Variants in SV2B observed in about 807,000 individuals in gnomAD.
The protein encoded by SV2B is solute carrier family 22 member B2.
A neutral mutation model predicts 73.9 loss-of-function variants in SV2B; 41 were observed. That is an observed-to-expected ratio of 0.56 (90% confidence interval 0.43 to 0.72). The LOEUF is 0.72. Ranked by LOEUF, SV2B falls within the 30% of genes least tolerant of loss-of-function variation. The probability of loss-of-function intolerance (pLI) is 0.00; values close to 1 mark genes in which losing one functional copy is unlikely to be tolerated. For missense variants in SV2B, 764 were observed against 857.8 expected (o/e 0.89, Z 1.37); for synonymous variants, 314 against 314.2 (o/e 1.00, Z 0.01).
chr15:91,213,811 A>G (rs2045940891), intron 1 of SV2B, among the ~76,000 whole-genome samples: 1 of 152,228 alleles, frequency 6.6e-6, no homozygotes, highest in Non-Finnish European at 1.5e-5. Flanking sequence ...GCCAGATACT[A>G]TTCCCTTTAA....
intron 1 of SV2B, among the ~76,000 whole-genome samples, chr15:91,218,385 A>C (rs150995084): frequency 1.1e-3 from 171 of 152,222 alleles, no homozygotes; most frequent in African/African-American, 3.9e-3. Context: ...GTCAGAACAC[A>C]TTTTTACAAT....
Position 91,281,994 on chromosome 15 carries a change from G to A in SV2B, c.1507+133G>A. On this transcript the variant is annotated intron_variant, in intron 10 of 12. Transcript: ENST00000394232. The surrounding 1 kb of genome is among the most constrained non-coding windows in gnomAD (Gnocchi z 4.7). ...AGATACAAATGCCAAGCCTTGGTGG[G>A]GAAATGGATTTTAGCCCCAGGCATG... is the stretch of plus-strand genomic sequence containing the variant. 1 of 1,133,802 alleles carries A rather than the reference G, an allele frequency of 8.8e-7. No individual in the cohort carries two copies. Among genetic ancestry groups the A allele is most frequent in the Non-Finnish European group, 1.2e-6 (1 of 840,714 alleles). 70.2% of individuals were successfully genotyped at this position (1,133,802 alleles called of 1,614,324 possible).
intron 1 of SV2B, among the ~76,000 whole-genome samples, chr15:91,161,216 T>G (rs2043704460): frequency 6.6e-6 from 1 of 152,128 alleles, no homozygotes; most frequent in Admixed American, 6.6e-5. Flanking sequence ...CTAAAACTGG[T>G]TTATAGTGAT....
intron 1 of SV2B, among the ~76,000 whole-genome samples, chr15:91,154,782 G>T (rs2043432246): frequency 6.6e-6 from 1 of 152,166 alleles, no homozygotes. Context: ...AGGCAAGATT[G>T]TTCCTTTGGA....
intron 1 of SV2B, among the ~76,000 whole-genome samples, chr15:91,167,060 G>A (rs2043942153): frequency 6.6e-6 from 1 of 152,124 alleles, no homozygotes; most frequent in South Asian, 2.1e-4. Flanking sequence ...TGATCCGCCT[G>A]CCTTGGCCTC....
chr15:91,162,459 A>T (rs1380596940), intron 1 of SV2B, among the ~76,000 whole-genome samples: 1 of 152,242 alleles, frequency 6.6e-6, no homozygotes, highest in African/African-American at 2.4e-5. Flanking sequence ...GGAAAGCTGT[A>T]TATTATTGTA....
chr15:91,170,647 T>A (rs1179731009), intron 1 of SV2B, among the ~76,000 whole-genome samples: 1 of 152,216 alleles, frequency 6.6e-6, no homozygotes, highest in African/African-American at 2.4e-5. Flanking sequence ...AAAAATACAT[T>A]AAAAATATCT....
chr15:91,112,931 C>G (rs1221068239), intron 1 of SV2B, among the ~76,000 whole-genome samples: 10 of 152,174 alleles, frequency 6.6e-5, no homozygotes, highest in Admixed American at 2.0e-4. Flanking sequence ...ACCCTCCCAC[C>G]CCAGCCTCCT....
chr15:91,177,745 A>G (rs2141301057), intron 1 of SV2B, among the ~76,000 whole-genome samples: 1 of 123,370 alleles, frequency 8.1e-6, no homozygotes, highest in Admixed American at 7.4e-5. Flanking sequence ...TTGATTTTGT[A>G]TCCTGAGACT....
At chr15:91,218,825 A>G (rs1177215325) in intron 1 of SV2B, among the ~76,000 whole-genome samples, 1 of 152,152 alleles carries the variant, frequency 6.6e-6, no homozygotes, top group East Asian at 1.9e-4. Context: ...GGACCACCAG[A>G]TGTGCTCAGC....
chr15:91,128,524 C>T lies in SV2B; in HGVS notation c.-392+28161C>T, dbSNP rs76414839. Among the ~76,000 whole-genome samples the T allele has an allele frequency of 5.0e-3, 757 of 152,312 alleles. 12 individuals are homozygous for T. The highest frequency in any genetic ancestry group is 0.017 in the African/African-American group (725 of 41,568). On this transcript the variant is annotated intron_variant, in intron 1 of 12. Coordinates refer to ENST00000394232, the MANE Select transcript of SV2B (RefSeq NM_001323032.3). The surrounding 1 kb of genome is among the most constrained non-coding windows in gnomAD (Gnocchi z 4.2). ...GCGAAAGTGTTTTTCTCCTCCCCGT[C>T]TGTCTCTCAGTCCCAGTCTCTCTCA...
Position 91,284,879 on chromosome 15 carries a change from A to G in SV2B, c.1708+658A>G, listed in dbSNP as rs1191523890. ...CTTGCCTCATTCCATCGGGACTTGC[A>G]GCAATTTATTACAGAAACACATGCC... is the stretch of plus-strand genomic sequence containing the variant. On this transcript the variant is annotated intron_variant, in intron 11 of 12. Transcript: ENST00000394232. This position sits in a 1 kb window ranked among gnomAD's most constrained non-coding sequence, Gnocchi z 4.5. Among the ~76,000 whole-genome samples the G allele has an allele frequency of 2.6e-5, 4 of 152,224 alleles. No individual in the cohort carries two copies. In the East Asian group the frequency reaches 7.7e-4, roughly 29 times the overall value.
intron 1 of SV2B, among the ~76,000 whole-genome samples, chr15:91,179,754 C>T (rs533490519): frequency 5.3e-5 from 8 of 152,278 alleles, no homozygotes; most frequent in Admixed American, 4.6e-4. Flanking sequence ...GGTAGATCTT[C>T]CTCCATCCTT....
intron 1 of SV2B, among the ~76,000 whole-genome samples, chr15:91,225,483 C>T (rs1343462084): frequency 6.6e-6 from 1 of 152,124 alleles, no homozygotes; most frequent in Non-Finnish European, 1.5e-5. Context: ...GTATAAATCC[C>T]TTGACCACTT....
rs897893515 is a variant in SV2B, at chr15:91,130,699, GAGA to G, written c.-392+30343_-392+30345del. On this transcript the variant is annotated intron_variant, in intron 1 of 12. Transcript: ENST00000394232. This position sits in a 1 kb window ranked among gnomAD's most constrained non-coding sequence, Gnocchi z 5.6. ...GCAGACATACTGCCTGCATGGAGGT[GAGA>G]AGAAGAGCTGCAGTCCTGGGGGCAA... 6.6e-6 allele frequency among the ~76,000 whole-genome samples: 1 copy of G among 152,180 alleles called. No homozygotes were observed. The highest frequency in any genetic ancestry group is 2.4e-5 in the African/African-American group (1 of 41,432).
chr15:91,154,131 A>C (rs1418414675), intron 1 of SV2B, among the ~76,000 whole-genome samples: 1 of 147,902 alleles, frequency 6.8e-6, no homozygotes, highest in African/African-American at 2.4e-5. Flanking sequence ...CAATATATTA[A>C]TATTTGATAT....
rs1001199380 is a variant in SV2B at position 91,141,353 on chromosome 15, T to C, written c.-392+40990T>C. Among the ~76,000 whole-genome samples, 15 of 152,204 alleles carry C rather than the reference T, an allele frequency of 9.9e-5. 1 individual carries two copies. The highest frequency in any genetic ancestry group is 3.6e-4 in the African/African-American group (15 of 41,456). On this transcript the variant is annotated intron_variant, in intron 1 of 12. Coordinates refer to ENST00000394232, the MANE Select transcript of SV2B (RefSeq NM_001323032.3). This position sits in a 1 kb window ranked among gnomAD's most constrained non-coding sequence, Gnocchi z 4.6. ...TAGGGTGTCTTGCAGAACAGGGCCT[T>C]GCTCTTCTTCAGGAAGACTTGGAGT... is the stretch of plus-strand genomic sequence containing the variant.
In SV2B at chr15:91,261,262, G is replaced by GAA. The variant is rs36020382; in HGVS notation, c.1008+861_1008+862dup. Among the ~76,000 whole-genome samples the GAA allele has an allele frequency of 0.43, 64,131 of 150,238 alleles. 16,217 individuals carry two copies. The highest frequency in any genetic ancestry group is 0.71 in the African/African-American group (28,942 of 40,890). ...TGGGCAACAGAGCAGGACTGTGTCT[G>GAA]AAAAAAAAAGATAACAGAAATAAAC... On this transcript the variant is annotated intron_variant, in intron 6 of 12. Transcript: ENST00000394232. This position sits in a 1 kb window ranked among gnomAD's most constrained non-coding sequence, Gnocchi z 4.7.
chr15:91,122,468 G>A lies in SV2B; in HGVS notation c.-392+22105G>A, dbSNP rs540406927. 1.3e-5 allele frequency among the ~76,000 whole-genome samples: 2 copies of A among 152,296 alleles called. No homozygotes were observed. The highest frequency in any genetic ancestry group is 1.9e-4 in the East Asian group (1 of 5,184). On this transcript the variant is annotated intron_variant, in intron 1 of 12. Coordinates refer to ENST00000394232, the MANE Select transcript of SV2B (RefSeq NM_001323032.3). This position sits in a 1 kb window ranked among gnomAD's most constrained non-coding sequence, Gnocchi z 4.3. ...GCTGGGTTGACTCTCTGATCCCTATGCCTTGTAAGCCATTTGGACACCTCA... is the reference window on the plus strand; with the variant it reads ...GCTGGGTTGACTCTCTGATCCCTATACCTTGTAAGCCATTTGGACACCTCA...
Sources: gnomAD v4.1 joint callset for allele counts (sites outside exome capture counted in the v4.1 genomes callset) on GRCh38, gnomAD v4.1.1 for gene constraint, Gnocchi (gnomAD v3.1) non-coding constraint, MANE v1.5 for transcripts, NCBI Gene and HGNC (gene_info 2026-07-23, HGNC 2026-07-21) for gene names.